PARP8: variants seen among roughly 807,000 people sequenced by gnomAD.
The protein encoded by PARP8 is protein mono-ADP-ribosyltransferase PARP8.
A neutral mutation model predicts 124.1 loss-of-function variants in PARP8; 51 were observed. The observed-to-expected ratio is 0.41, with a 90% CI of 0.33 to 0.52. The LOEUF (loss-of-function observed/expected upper bound fraction) is 0.52, where lower values mean the gene tolerates loss of function less well. PARP8 is among the 20% of genes least tolerant of loss of function. The probability of loss-of-function intolerance (pLI) is 0.21; values close to 1 mark genes in which losing one functional copy is unlikely to be tolerated. For synonymous variants in PARP8, 391 were observed against 361.5 expected (o/e 1.08, Z -0.93); for missense variants, 860 against 1,018.9 (o/e 0.84, Z 2.12).
At chr5:50,761,494 A>AT (rs1227393196) in intron 5 of PARP8, among the ~76,000 whole-genome samples, 1 of 152,056 alleles carries the variant, frequency 6.6e-6, no homozygotes, top group African/African-American at 2.4e-5. Flanking sequence ...ATAAAATTGA[A>AT]TTAGTATAAG....
chr5:50,667,463 T>C, intron 1 of PARP8: 1 of 700,294 alleles, frequency 1.4e-6, no homozygotes, highest in Non-Finnish European at 2.6e-6. Context: ...CAGTGCGTGG[T>C]ATTTCCAGCC....
At chr5:50,699,697 A>G (rs1386038036) in intron 2 of PARP8, among the ~76,000 whole-genome samples, 1 of 152,194 alleles carries the variant, frequency 6.6e-6, no homozygotes, top group Non-Finnish European at 1.5e-5. Context: ...ATGTGATTAT[A>G]TGGGCCTCTG....
At chr5:50,757,877 C>T (rs747056558) in intron 3 of PARP8, among the ~76,000 whole-genome samples, 3 of 152,108 alleles carry the variant, frequency 2.0e-5, no homozygotes, top group Non-Finnish European at 4.4e-5. Context: ...CTTACGGATT[C>T]TTCTGGATCT....
chr5:50,827,890 C>G lies in PARP8; in HGVS notation c.1978-54C>G. On this transcript the variant is annotated intron_variant, in intron 19 of 25. Transcript: ENST00000281631. Reference sequence around the variant, plus strand: ...AATAAAATTTGAAATTGTCATCAGCCTGAATATATGTTAAGTTTTACATGT... The same window carrying G: ...AATAAAATTTGAAATTGTCATCAGCGTGAATATATGTTAAGTTTTACATGT... 12 of 1,290,644 alleles carry G rather than the reference C, an allele frequency of 9.3e-6. 2 individuals are homozygous for G. In the South Asian group the frequency reaches 1.3e-4, roughly 14 times the overall value. The allele number at this position is 1,290,644 out of a possible 1,614,324, so 79.9% of individuals were successfully genotyped here. A position where few individuals can be genotyped will look rare whatever the true frequency, so the allele number is the denominator to read the frequency against.
At chr5:50,834,893 A>G in intron 24 of PARP8, 38 bp from the exon 25 acceptor site, 5 of 1,538,422 alleles carry the variant, frequency 3.3e-6, no homozygotes, top group Non-Finnish European at 4.5e-6. Flanking sequence ...ATTCCTTTAG[A>G]ATAAAGTGGT....
chr5:50,688,880 C>T lies in PARP8; in HGVS notation c.146+20755C>T, dbSNP rs143489507. On this transcript the variant is annotated intron_variant, in intron 2 of 25. Transcript: ENST00000281631. ...ACATTATGATGTATTATTGGTTGAG[C>T]GGTAGCCCAAGCTACTCAGACAAGA... Among the ~76,000 whole-genome samples the T allele has an allele frequency of 4.9e-3, 747 of 152,180 alleles. 10 individuals are homozygous for T. Among genetic ancestry groups the T allele is most frequent in the East Asian group, 0.016 (83 of 5,178 alleles).
At chr5:50,777,764 C>A (rs1221312932) in intron 7 of PARP8, among the ~76,000 whole-genome samples, 1 of 152,112 alleles carries the variant, frequency 6.6e-6, no homozygotes, top group Non-Finnish European at 1.5e-5. Context: ...ACAAAGCAGT[C>A]ATATGGGAAG....
upstream of PARP8, chr5:50,665,997 A>C (rs546709764): frequency 1.3e-5 from 2 of 152,378 alleles, no homozygotes; most frequent in East Asian, 3.9e-4. Flanking sequence ...TCCATCTTTT[A>C]GGAAGACCCT....
chr5:50,693,736 C>A (rs1752735471), intron 2 of PARP8, among the ~76,000 whole-genome samples: 1 of 151,226 alleles, frequency 6.6e-6, no homozygotes, highest in Non-Finnish European at 1.5e-5. Flanking sequence ...CGTATAATCA[C>A]ATCATATAAA....
At chr5:50,783,626 C>A (rs1278076338) in intron 9 of PARP8, among the ~76,000 whole-genome samples, 1 of 152,098 alleles carries the variant, frequency 6.6e-6, no homozygotes, top group African/African-American at 2.4e-5. Flanking sequence ...GTGTTCAGAT[C>A]CCTGATGCCA....
chr5:50,761,462 A>G (rs1760536302), intron 5 of PARP8, among the ~76,000 whole-genome samples: 1 of 152,084 alleles, frequency 6.6e-6, no homozygotes, highest in African/African-American at 2.4e-5. Flanking sequence ...GCCTGGGACA[A>G]ATAATGCTGA....
intron 7 of PARP8, among the ~76,000 whole-genome samples, chr5:50,766,293 G>A (rs560805742): frequency 1.3e-5 from 2 of 152,196 alleles, no homozygotes; most frequent in African/African-American, 2.4e-5. Context: ...AGGTCTTGGG[G>A]CAACATGAAC....
intron 9 of PARP8, among the ~76,000 whole-genome samples, chr5:50,784,123 T>C (rs981883320): frequency 2.6e-5 from 4 of 152,178 alleles, no homozygotes; most frequent in Non-Finnish European, 4.4e-5. Context: ...TTGCAAAAAA[T>C]GTATGGCTAA....
intron 9 of PARP8, among the ~76,000 whole-genome samples, chr5:50,781,571 G>A (rs879492155): frequency 6.6e-6 from 1 of 152,206 alleles, no homozygotes; most frequent in Non-Finnish European, 1.5e-5. Flanking sequence ...GCCCTACCCT[G>A]TTCCCCTGGG....
chr5:50,799,244 A>G (rs1742918587), intron 14 of PARP8, among the ~76,000 whole-genome samples: 1 of 152,184 alleles, frequency 6.6e-6, no homozygotes, highest in South Asian at 2.1e-4. Flanking sequence ...ATTTTTGTAT[A>G]TGGTGTTAGG....
intron 2 of PARP8, among the ~76,000 whole-genome samples, chr5:50,693,821 C>T (rs936893111): frequency 6.0e-5 from 9 of 151,214 alleles, no homozygotes; most frequent in Non-Finnish European, 1.0e-4. Context: ...TTAAATTATA[C>T]AATCAATTAT....
At chr5:50,709,982 A>G (rs1245322853) in intron 2 of PARP8, among the ~76,000 whole-genome samples, 1 of 147,630 alleles carries the variant, frequency 6.8e-6, no homozygotes, top group African/African-American at 2.5e-5. Context: ...ACACACACAC[A>G]TATATATACA....
chr5:50,835,729 A>G (rs749607082), intron 25 of PARP8, among the ~76,000 whole-genome samples: 11 of 152,192 alleles, frequency 7.2e-5, no homozygotes, highest in African/African-American at 2.4e-4. Context: ...TCTACATTCC[A>G]TATAATACAG....
rs556363734 is a variant in PARP8, at chr5:50,695,378, A to G, written c.146+27253A>G. Among the ~76,000 whole-genome samples, 17 of 152,356 alleles carry G rather than the reference A, an allele frequency of 1.1e-4. No homozygotes were observed. The East Asian group carries it at 3.1e-3, about 28-fold the overall frequency. On this transcript the variant is annotated intron_variant, in intron 2 of 25. Transcript: ENST00000281631. ...TGAAGTAACAACCTAGTGCAGGTTC[A>G]TACTTAGTCATTCAGGCCTCCTAAA...
Sources: gnomAD v4.1 joint callset for allele counts (sites outside exome capture counted in the v4.1 genomes callset) on GRCh38, gnomAD v4.1.1 for gene constraint, MANE v1.5 for transcripts, NCBI Gene and HGNC (gene_info 2026-07-23, HGNC 2026-07-21) for gene names.